The following USH2A variants were observed in gnomAD, a reference collection of about 807,000 sequenced individuals.
USH2A encodes the protein usherin, also known as Usher syndrome 2A (autosomal recessive, mild).
A neutral mutation model predicts 538.9 loss-of-function variants in USH2A; 443 were observed. That is an observed-to-expected ratio of 0.82 (90% CI 0.76 to 0.89). The LOEUF (loss-of-function observed/expected upper bound fraction) is 0.89, where lower values mean the gene tolerates loss of function less well. Among genes scored for constraint, USH2A ranks in the 40% least tolerant of loss-of-function variants. The pLI is 0.00. For synonymous variants in USH2A, 2,413 were observed against 2,273.5 expected (o/e 1.06, Z -1.75); for missense variants, 6,633 against 6,324.8 (o/e 1.05, Z -1.65).
intron 9 of USH2A, among the ~76,000 whole-genome samples, chr1:216,318,634 A>C (rs747937406): frequency 8.5e-5 from 13 of 152,218 alleles, no homozygotes; most frequent in Non-Finnish European, 1.5e-4. Context: ...TTGCTTTTTA[A>C]AATTTATGGC....
intron 44 of USH2A, among the ~76,000 whole-genome samples, chr1:215,847,074 AACCCTT>A (rs1427662528): frequency 6.6e-6 from 1 of 152,252 alleles, no homozygotes; most frequent in African/African-American, 2.4e-5. Context: ...TCAATTCTTC[AACCCTT>A]ATCCTTTCAA....
At chr1:216,073,356 A>G in intron 27 of USH2A, 56 bp from the exon 28 acceptor site, 1 of 1,575,240 alleles carries the variant, frequency 6.3e-7, no homozygotes, top group Admixed American at 1.7e-5. Flanking sequence ...TTAATTACCA[A>G]TCATTTTTGT....
intron 16 of USH2A, among the ~76,000 whole-genome samples, chr1:216,206,852 T>A (rs955706481): frequency 6.6e-6 from 1 of 152,232 alleles, no homozygotes; most frequent in Admixed American, 6.5e-5. Context: ...ACTTAATGAC[T>A]GTTCACTTGA....
chr1:215,771,441 G>A (rs1478261540), intron 55 of USH2A, among the ~76,000 whole-genome samples: 3 of 150,300 alleles, frequency 2.0e-5, no homozygotes, highest in East Asian at 2.0e-4. Context: ...TTAGCCGGGC[G>A]TAGTGGCGGG....
At chr1:216,419,351 T>G (rs2039637664) in intron 2 of USH2A, among the ~76,000 whole-genome samples, 1 of 152,084 alleles carries the variant, frequency 6.6e-6, no homozygotes, top group Non-Finnish European at 1.5e-5. Context: ...TGAAATAAGA[T>G]TTTGAAAAAC....
At chr1:215,863,027 G>C (rs1180205250) in intron 44 of USH2A, among the ~76,000 whole-genome samples, 1 of 152,200 alleles carries the variant, frequency 6.6e-6, no homozygotes, top group Non-Finnish European at 1.5e-5. Flanking sequence ...GGAAGACTCA[G>C]GAAAGAACTT....
intron 47 of USH2A, among the ~76,000 whole-genome samples, chr1:215,826,619 A>G (rs142273457): frequency 6.6e-6 from 1 of 152,316 alleles, no homozygotes; most frequent in African/African-American, 2.4e-5. Flanking sequence ...AATCTTAATT[A>G]TCAAAGTGAG....
intron 4 of USH2A, among the ~76,000 whole-genome samples, chr1:216,358,308 ATGTGCTTGTGTT>A (rs2038425318): frequency 6.6e-6 from 1 of 152,152 alleles, no homozygotes; most frequent in Admixed American, 6.6e-5. Context: ...CCTTCATTTG[ATGTGCTTGTGTT>A]TGAGGCAGTG....
At chr1:216,288,486 T>G (rs2036932748) in intron 11 of USH2A, among the ~76,000 whole-genome samples, 3 of 152,216 alleles carry the variant, frequency 2.0e-5, no homozygotes, top group Non-Finnish European at 4.4e-5. Flanking sequence ...GTCTTGTGTG[T>G]ATTATGTTCA....
At chr1:216,362,616 T>C (rs952088412) in intron 4 of USH2A, among the ~76,000 whole-genome samples, 1 of 152,128 alleles carries the variant, frequency 6.6e-6, no homozygotes, top group Non-Finnish European at 1.5e-5. Flanking sequence ...TATGAATTTA[T>C]TTTTTGGAAA....
At chr1:216,298,733 A>G (rs576040578) in intron 9 of USH2A, among the ~76,000 whole-genome samples, 2 of 152,370 alleles carry the variant, frequency 1.3e-5, no homozygotes, top group East Asian at 3.9e-4. Context: ...AGAAAGGGCC[A>G]GTGCAGAACA....
chr1:216,384,147 C>T (rs2038965703), intron 3 of USH2A, among the ~76,000 whole-genome samples: 1 of 151,284 alleles, frequency 6.6e-6, no homozygotes, highest in African/African-American at 2.4e-5. Flanking sequence ...ATAACTATGA[C>T]ATAAACCTGC....
chr1:215,835,216 G>T (rs1458044395), intron 47 of USH2A, among the ~76,000 whole-genome samples: 1 of 147,774 alleles, frequency 6.8e-6, no homozygotes, highest in Non-Finnish European at 1.5e-5. Flanking sequence ...ATAGTTAGGT[G>T]AGCCTTGTTG....
At chr1:215,733,366 G>C (rs1660063011) in intron 60 of USH2A, among the ~76,000 whole-genome samples, 1 of 152,118 alleles carries the variant, frequency 6.6e-6, no homozygotes, top group South Asian at 2.1e-4. Context: ...CTGCAACATT[G>C]GGAATCTGTT....
intron 69 of USH2A, among the ~76,000 whole-genome samples, chr1:215,635,884 T>C (rs796832710): frequency 1.5e-4 from 23 of 148,490 alleles, no homozygotes; most frequent in African/African-American, 5.7e-4. Context: ...GTGGGGAAGA[T>C]AGGAGAGAGG....
At chr1:216,349,733 A>T (rs940875720) in intron 4 of USH2A, among the ~76,000 whole-genome samples, 2 of 152,194 alleles carry the variant, frequency 1.3e-5, no homozygotes, top group African/African-American at 4.8e-5. Context: ...CTTATTCAGC[A>T]TATAATCAAG....
At chr1:216,380,569 T>C (rs553266007) in intron 3 of USH2A, among the ~76,000 whole-genome samples, 3 of 152,264 alleles carry the variant, frequency 2.0e-5, no homozygotes, top group African/African-American at 7.2e-5. Context: ...TAAGAGTGAA[T>C]ATATCTGTGA....
intron 38 of USH2A, among the ~76,000 whole-genome samples, chr1:215,914,060 G>A (rs893197636): frequency 6.9e-6 from 1 of 144,640 alleles, no homozygotes; most frequent in Non-Finnish European, 1.5e-5. Flanking sequence ...CCATTGTCAA[G>A]CAACAGACTT....
At chr1:215,727,287 A>G (rs2102712509) in intron 61 of USH2A, among the ~76,000 whole-genome samples, 1 of 152,250 alleles carries the variant, frequency 6.6e-6, no homozygotes. Context: ...ATATATATAT[A>G]GCTATATATT....
Sources: gnomAD v4.1 joint callset for allele counts (sites outside exome capture counted in the v4.1 genomes callset) on GRCh38, gnomAD v4.1.1 for gene constraint, MANE v1.5 for transcripts, NCBI Gene and HGNC (gene_info 2026-07-23, HGNC 2026-07-21) for gene names.